Variants in POU2F1 observed in about 807,000 individuals in gnomAD.
POU2F1 encodes POU domain, class 2, transcription factor 1.
POU2F1 carries 16 observed loss-of-function variants against 84.9 expected under a neutral mutation model. That is an observed-to-expected ratio of 0.19 (90% CI 0.13 to 0.29). The LOEUF is 0.29. Ranked by LOEUF, POU2F1 falls within the 10% of genes least tolerant of loss-of-function variation. The pLI is 1.00. For synonymous variants in POU2F1, 368 were observed against 368.3 expected, an observed-to-expected ratio of 1.00 and a Z score of 0.01; for missense variants, 738 against 942.6, an observed-to-expected ratio of 0.78 and a Z score of 2.84.
At chr1:167,280,463 C>T (rs986056602) in intron 1 of POU2F1, among the ~76,000 whole-genome samples, 1 of 151,400 alleles carries the variant, frequency 6.6e-6, no homozygotes, top group Non-Finnish European at 1.5e-5. Context: ...ATGTTAGGCT[C>T]TCAATAAAAC....
chr1:167,373,473 G>T (rs555487705), intron 5 of POU2F1, among the ~76,000 whole-genome samples: 1 of 152,310 alleles, frequency 6.6e-6, no homozygotes, highest in Admixed American at 6.5e-5. Flanking sequence ...GGGTTCATTT[G>T]CATGTAAAGA....
In POU2F1 at chr1:167,401,530, C is replaced by G; in HGVS notation, c.1529C>G (p.Ala510Gly). Residue 510 changes from alanine (A) to glycine (G), a missense_variant, in exon 13 of 16, where the codon GCT (alanine) becomes GGT (glycine). Coordinates refer to ENST00000367866, the MANE Select transcript of POU2F1 (RefSeq NM_002697.4). The stretch of plus-strand genomic sequence containing the variant: ...AGCCCTGTCCTCCCTCTGACCAGTG[C>G]TGCTGTGACGAATCTTTCAGTTACA... ...TVSPVLPLTSAAVTNLSVTGT... is the reference protein window; with the variant it reads ...TVSPVLPLTSGAVTNLSVTGT... 6.2e-7 allele frequency: 1 copy of G among 1,609,600 alleles called. No homozygotes were observed. Among genetic ancestry groups the G allele is most frequent in the East Asian group, 2.2e-5 (1 of 44,574 alleles).
chr1:167,311,806 TTA>T (rs1655498450), intron 1 of POU2F1, among the ~76,000 whole-genome samples: 4 of 151,506 alleles, frequency 2.6e-5, no homozygotes, highest in African/African-American at 9.7e-5. Flanking sequence ...ATTTATTTAT[TTA>T]TTTTTTCTTT....
At chr1:167,370,327 A>C (rs1036594457) in intron 4 of POU2F1, 113 bp downstream of exon 4, 1 of 779,210 alleles carries the variant, frequency 1.3e-6, no homozygotes, top group African/African-American at 1.8e-5. Flanking sequence ...ACCTTTTCAA[A>C]ATTAGTGAAT....
rs576073697 is a variant in POU2F1, at chr1:167,267,760, G to A, written c.61+46802G>A. On this transcript the variant is annotated intron_variant, in intron 1 of 15. Coordinates refer to ENST00000367866, the MANE Select transcript of POU2F1 (RefSeq NM_002697.4). Reference sequence around the variant, plus strand: ...AGGTTCATGCCATTCTCCTGCTTCAGCCTCCCTAGTAGCTGGGACTACAGG... The same window carrying A: ...AGGTTCATGCCATTCTCCTGCTTCAACCTCCCTAGTAGCTGGGACTACAGG... 6.8e-5 allele frequency among the ~76,000 whole-genome samples: 10 copies of A among 146,376 alleles called. No individual in the cohort carries two copies. In the South Asian group the frequency reaches 2.2e-3, roughly 32 times the overall value.
intron 2 of POU2F1, among the ~76,000 whole-genome samples, chr1:167,341,260 A>G (rs891812995): frequency 6.6e-6 from 1 of 152,098 alleles, no homozygotes; most frequent in African/African-American, 2.4e-5. Context: ...AATTATTTTT[A>G]TAATGCAGGT....
chr1:167,287,016 T>C (rs1445153683), intron 1 of POU2F1, among the ~76,000 whole-genome samples: 1 of 152,194 alleles, frequency 6.6e-6, no homozygotes, highest in Non-Finnish European at 1.5e-5. Flanking sequence ...CTTTGTGTTG[T>C]ACTGGATCTT....
In POU2F1 at chr1:167,419,857, A is replaced by G. The variant is rs1336358060; in HGVS notation, c.*4047A>G. 6.6e-6 allele frequency: 1 copy of G among 152,222 alleles called. No individual in the cohort carries two copies. 9.4% of individuals were successfully genotyped at this position (152,222 alleles called of 1,614,324 possible). A position where few individuals can be genotyped will look rare whatever the true frequency, so the allele number is the denominator to read the frequency against. Reference sequence around the variant, plus strand: ...ATACTTAATGCTAGCACTGTAAGAAATAAGTCTTTTTTGTTTAAAAAAGGG... The same window carrying G: ...ATACTTAATGCTAGCACTGTAAGAAGTAAGTCTTTTTTGTTTAAAAAAGGG... On this transcript the variant is annotated 3_prime_UTR_variant, in exon 16 of 16. Coordinates refer to ENST00000367866, the MANE Select transcript of POU2F1 (RefSeq NM_002697.4).
At chr1:167,401,287 C>G (rs1649189228) in intron 12 of POU2F1, among the ~76,000 whole-genome samples, 164 bp from the exon 13 acceptor site, 1 of 152,166 alleles carries the variant, frequency 6.6e-6, no homozygotes, top group East Asian at 1.9e-4. Context: ...AAAACCCAGG[C>G]AAAGCTATCT....
chr1:167,381,861 C>T (rs1250055302), intron 7 of POU2F1, among the ~76,000 whole-genome samples: 3 of 151,938 alleles, frequency 2.0e-5, no homozygotes, highest in Admixed American at 6.6e-5. Context: ...CTGCCTGCCT[C>T]GGCCTCCCAA....
chr1:167,371,781 TAAAAG>T (rs1416014258), intron 4 of POU2F1, 131 bp from the exon 5 acceptor site: 9 of 1,205,314 alleles, frequency 7.5e-6, no homozygotes, highest in Middle Eastern at 2.0e-4. Flanking sequence ...AAAATACAAA[TAAAAG>T]AAAGGAGGTA....
At chr1:167,334,048 A>C (rs1348645575) in intron 2 of POU2F1, among the ~76,000 whole-genome samples, 1 of 152,112 alleles carries the variant, frequency 6.6e-6, no homozygotes, top group Non-Finnish European at 1.5e-5. Context: ...AAAACACTGA[A>C]AATAGCCATT....
chr1:167,386,862 G>A (rs565238378), intron 8 of POU2F1, among the ~76,000 whole-genome samples: 10 of 152,134 alleles, frequency 6.6e-5, no homozygotes, highest in Non-Finnish European at 7.4e-5. Context: ...TGCCAGGGAC[G>A]GGGGGCTAAT....
At chr1:167,258,689 A>T (rs1289440740) in intron 1 of POU2F1, among the ~76,000 whole-genome samples, 2 of 152,234 alleles carry the variant, frequency 1.3e-5, no homozygotes, top group African/African-American at 4.8e-5. Context: ...AAAATCATGG[A>T]TACTATGTAG....
At chr1:167,255,445 T>A (rs921046879) in intron 1 of POU2F1, among the ~76,000 whole-genome samples, 4 of 152,180 alleles carry the variant, frequency 2.6e-5, no homozygotes, top group African/African-American at 9.7e-5. Context: ...TTGCAAGTAG[T>A]TGGCATGATT....
intron 1 of POU2F1, among the ~76,000 whole-genome samples, chr1:167,280,956 A>C (rs1653090395): frequency 6.6e-6 from 1 of 152,174 alleles, no homozygotes; most frequent in African/African-American, 2.4e-5. Context: ...CACTAATGTA[A>C]ATCATATTTT....
chr1:167,241,083 C>G (rs547280250), intron 1 of POU2F1, among the ~76,000 whole-genome samples: 1 of 151,854 alleles, frequency 6.6e-6, no homozygotes, highest in South Asian at 2.1e-4. Context: ...CGGAGGTTGC[C>G]GTGAGCCAAG....
At chr1:167,322,578 T>C (rs1656395873) in intron 1 of POU2F1, among the ~76,000 whole-genome samples, 1 of 152,208 alleles carries the variant, frequency 6.6e-6, no homozygotes, top group African/African-American at 2.4e-5. Context: ...GGGAATGGCC[T>C]GAGCCAGAAA....
chr1:167,287,170 G>A (rs1431492833), intron 1 of POU2F1, among the ~76,000 whole-genome samples: 2 of 152,180 alleles, frequency 1.3e-5, no homozygotes, highest in Non-Finnish European at 2.9e-5. Context: ...TACTGATGAA[G>A]GCTTGTCTTT....
Sources: gnomAD v4.1 joint callset for allele counts (sites outside exome capture counted in the v4.1 genomes callset) on GRCh38, gnomAD v4.1.1 for gene constraint, MANE v1.5 for transcripts, NCBI Gene and HGNC (gene_info 2026-07-23, HGNC 2026-07-21) for gene names.